MSRA: variants seen among roughly 807,000 people sequenced by gnomAD.
MSRA encodes methionine sulfoxide reductase A, also known as mitochondrial peptide methionine sulfoxide reductase.
Under a neutral mutation model 31.3 loss-of-function variants are expected in MSRA, and 54 were observed. The ratio of observed to expected loss-of-function variants is 1.73; its 90% CI spans 1.39 to 2.17. The LOEUF (loss-of-function observed/expected upper bound fraction) is 2.17. MSRA is among the 30% of genes most tolerant of loss of function. MSRA has a pLI of 0.00. For synonymous variants in MSRA, 169 were observed against 116.5 expected, an observed-to-expected ratio of 1.45 and a Z score of -2.90; for missense variants, 507 against 300.9, an observed-to-expected ratio of 1.69 and a Z score of -5.07.
intron 2 of MSRA, among the ~76,000 whole-genome samples, chr8:10,242,226 G>A (rs1797367743): frequency 6.6e-6 from 1 of 151,202 alleles, no homozygotes; most frequent in Non-Finnish European, 1.5e-5. Flanking sequence ...AGCCGAGATT[G>A]CGCCACTGAA....
chr8:10,236,040 T>A (rs1177786652), intron 2 of MSRA, among the ~76,000 whole-genome samples: 3 of 152,148 alleles, frequency 2.0e-5, no homozygotes, highest in Non-Finnish European at 4.4e-5. Flanking sequence ...CATATGATCA[T>A]CTCAGAAGAA....
chr8:10,240,671 T>G (rs1466913649), intron 2 of MSRA, among the ~76,000 whole-genome samples: 1 of 152,204 alleles, frequency 6.6e-6, no homozygotes, highest in Non-Finnish European at 1.5e-5. Flanking sequence ...AGTCCACAGC[T>G]GTCCTGAACT....
chr8:10,384,751 A>C (rs1022986629), intron 5 of MSRA, among the ~76,000 whole-genome samples: 2 of 152,180 alleles, frequency 1.3e-5, no homozygotes, highest in African/African-American at 4.8e-5. Context: ...TTCATGCCTG[A>C]AATCCTAGCA....
intron 1 of MSRA, among the ~76,000 whole-genome samples, chr8:10,200,302 A>T (rs916594525): frequency 1.2e-4 from 19 of 152,270 alleles, no homozygotes; most frequent in Non-Finnish European, 1.3e-4. Flanking sequence ...CTGTTGTCCA[A>T]TTGTCCTCTG....
intron 5 of MSRA, among the ~76,000 whole-genome samples, chr8:10,342,828 G>A (rs1420810094): frequency 6.6e-6 from 1 of 152,242 alleles, no homozygotes; most frequent in African/African-American, 2.4e-5. Context: ...TAGGGACCAG[G>A]CTCCGGTGAA....
At chr8:10,097,743 C>T (rs1295470328) in intron 1 of MSRA, among the ~76,000 whole-genome samples, 1 of 152,200 alleles carries the variant, frequency 6.6e-6, no homozygotes, top group South Asian at 2.1e-4. Context: ...CAAACTATTT[C>T]ATGTCCAATT....
At chr8:10,216,206 G>A (rs1208226627) in intron 2 of MSRA, among the ~76,000 whole-genome samples, 1 of 152,136 alleles carries the variant, frequency 6.6e-6, no homozygotes, top group Non-Finnish European at 1.5e-5. Flanking sequence ...TAAAATATAT[G>A]CAAGACACAG....
chr8:10,217,661 A>G (rs936012150), intron 2 of MSRA, among the ~76,000 whole-genome samples: 2 of 152,134 alleles, frequency 1.3e-5, no homozygotes, highest in Admixed American at 1.3e-4. Context: ...CCCCTCTTCT[A>G]TCCTAGCATA....
At chr8:10,201,364 ACT>A (rs1808485057) in intron 1 of MSRA, among the ~76,000 whole-genome samples, 1 of 151,856 alleles carries the variant, frequency 6.6e-6, no homozygotes, top group South Asian at 2.1e-4. Context: ...CTGATCCAAG[ACT>A]CTTCCAGTCC....
intron 5 of MSRA, among the ~76,000 whole-genome samples, chr8:10,368,122 G>C (rs183283671): frequency 3.0e-4 from 46 of 152,302 alleles, no homozygotes; most frequent in Non-Finnish European, 6.5e-4. Context: ...TGAAGCCATG[G>C]AAAGAAAGGG....
chr8:10,176,564 T>C (rs1806067822), intron 1 of MSRA, among the ~76,000 whole-genome samples: 1 of 152,210 alleles, frequency 6.6e-6, no homozygotes, highest in Non-Finnish European at 1.5e-5. Flanking sequence ...TATCATTAGC[T>C]CATCTCCTGT....
chr8:10,059,580 G>C (rs1802590353), intron 1 of MSRA, among the ~76,000 whole-genome samples: 1 of 152,168 alleles, frequency 6.6e-6, no homozygotes, highest in South Asian at 2.1e-4. Flanking sequence ...ACTTAACCAT[G>C]ACTTGAAAAT....
At chr8:10,301,466 T>C (rs1365115283) in intron 3 of MSRA, 68 bp from the exon 4 acceptor site, 2 of 1,254,436 alleles carry the variant, frequency 1.6e-6, no homozygotes, top group Admixed American at 3.7e-5. Flanking sequence ...GTTTTTTTTG[T>C]GAACAAAAAA....
chr8:10,072,011 C>G (rs907944957), intron 1 of MSRA, among the ~76,000 whole-genome samples: 1 of 152,106 alleles, frequency 6.6e-6, no homozygotes, highest in African/African-American at 2.4e-5. Flanking sequence ...GGTCTGCCTA[C>G]GAGCACCCCT....
intron 5 of MSRA, among the ~76,000 whole-genome samples, chr8:10,413,763 A>G (rs560733794): frequency 9.2e-5 from 14 of 152,328 alleles, no homozygotes; most frequent in African/African-American, 3.4e-4. Flanking sequence ...AAACTGGAAG[A>G]TAAGTCAATT....
intron 1 of MSRA, among the ~76,000 whole-genome samples, chr8:10,152,733 C>T (rs1168549818): frequency 6.6e-6 from 1 of 152,194 alleles, no homozygotes; most frequent in African/African-American, 2.4e-5. Context: ...ATGTTCACAG[C>T]AGCAGTATTC....
chr8:10,104,582 G>A (rs982290917), intron 1 of MSRA, among the ~76,000 whole-genome samples: 8 of 152,162 alleles, frequency 5.3e-5, no homozygotes, highest in African/African-American at 1.9e-4. Flanking sequence ...GAATGGCTGG[G>A]TTATGCTAAG....
intron 4 of MSRA, among the ~76,000 whole-genome samples, chr8:10,307,861 C>A (rs1490114344): frequency 6.6e-6 from 1 of 152,206 alleles, no homozygotes; most frequent in Admixed American, 6.5e-5. Context: ...TGGTGTGCAG[C>A]CACCCATAAA....
chr8:10,094,372 G>A (rs1799012700), intron 1 of MSRA, among the ~76,000 whole-genome samples: 2 of 152,230 alleles, frequency 1.3e-5, no homozygotes, highest in South Asian at 4.1e-4. Flanking sequence ...TTAGATAAAT[G>A]ACACATGATC....
Sources: gnomAD v4.1 joint callset for allele counts (sites outside exome capture counted in the v4.1 genomes callset) on GRCh38, gnomAD v4.1.1 for gene constraint, MANE v1.5 for transcripts, NCBI Gene and HGNC (gene_info 2026-07-23, HGNC 2026-07-21) for gene names.